HUS1: variants seen among roughly 807,000 people sequenced by gnomAD.
HUS1 encodes the protein HUS1 checkpoint clamp component.
In HUS1, 31 loss-of-function variants were observed where a neutral mutation model predicts 32.6. The observed-to-expected ratio is 0.95, with a 90% CI of 0.72 to 1.28. The LOEUF is 1.28. Ranked by LOEUF, HUS1 falls within the 50% of genes most tolerant of loss-of-function variation. The probability of loss-of-function intolerance (pLI) is 0.00; values close to 1 mark genes in which losing one functional copy is unlikely to be tolerated. For synonymous variants in HUS1, 123 were observed against 116.6 expected (o/e 1.06, Z -0.36); for missense variants, 340 against 337.7 (o/e 1.01, Z -0.05).
chr7:47,969,743 C>T (rs1204058764), intron 5 of HUS1, among the ~76,000 whole-genome samples: 1 of 151,686 alleles, frequency 6.6e-6, no homozygotes, highest in South Asian at 2.1e-4. Context: ...GCAGAATGGG[C>T]ACCTTGGGCA....
intron 3 of HUS1, among the ~76,000 whole-genome samples, chr7:47,977,100 T>C (rs767177756): frequency 5.9e-5 from 9 of 151,868 alleles, no homozygotes; most frequent in Non-Finnish European, 1.2e-4. Context: ...TCAATAAAAA[T>C]GCAAACAAAT....
chr7:47,969,227 G>GA lies in HUS1; in HGVS notation c.631_632insT (p.Pro211LeufsTer6). On this transcript the variant is annotated frameshift_variant, in exon 6 of 8. Coordinates refer to ENST00000258774, the MANE Select transcript of HUS1 (RefSeq NM_004507.4). LOFTEE classifies it high-confidence loss of function. Reference sequence around the variant, plus strand: ...CCCACTAGAAAACTTACCTAATGGAGGATTTCCAAGATCTTTAAAATGAGT... The same window carrying GA: ...CCCACTAGAAAACTTACCTAATGGAGAGATTTCCAAGATCTTTAAAATGAGT... 3 of 1,532,128 alleles carry GA rather than the reference G, an allele frequency of 2.0e-6. No individual in the cohort carries two copies. Among genetic ancestry groups the GA allele is most frequent in the Non-Finnish European group, 2.7e-6 (3 of 1,118,442 alleles). The allele number at this position is 1,532,128 out of a possible 1,614,324, so 94.9% of individuals were successfully genotyped here.
chr7:47,978,609 T>A lies in HUS1; in HGVS notation c.181-16A>T. ...AGAAGTTCTCCTAAGGGAAAAAAAA[T>A]GAGGGATGAGGGAGGGTATATGTGA... is the stretch of plus-strand genomic sequence containing the variant. On this transcript the variant is annotated splice_polypyrimidine_tract_variant and intron_variant, in intron 2 of 7. Coordinates refer to ENST00000258774, the MANE Select transcript of HUS1 (RefSeq NM_004507.4). 1 of 1,613,032 alleles carries A rather than the reference T, an allele frequency of 6.2e-7. No homozygotes were observed. Among genetic ancestry groups the A allele is most frequent in the Middle Eastern group, 1.6e-4 (1 of 6,062 alleles).
chr7:47,976,343 A>T (rs772983739), intron 4 of HUS1: 8 of 458,914 alleles, frequency 1.7e-5, no homozygotes, highest in Non-Finnish European at 3.5e-5. Context: ...TGTTAGCCCT[A>T]AGCCATGAAA....
chr7:47,965,532 C>T (rs1583711815), intron 7 of HUS1, 94 bp from the exon 8 acceptor site: 1 of 776,286 alleles, frequency 1.3e-6, no homozygotes. Flanking sequence ...CCTGCACCTC[C>T]TGTTTTAGGC....
intron 5 of HUS1, among the ~76,000 whole-genome samples, chr7:47,972,740 C>T (rs1318850970): frequency 8.4e-5 from 4 of 47,622 alleles, no homozygotes; most frequent in East Asian, 1.7e-3. Flanking sequence ...CACTGCACAG[C>T]GCAGCCTGGA....
At chr7:47,965,521 G>T (rs1186617304) in intron 7 of HUS1, 83 bp from the exon 8 acceptor site, 1 of 933,902 alleles carries the variant, frequency 1.1e-6, no homozygotes, top group East Asian at 2.6e-5. Flanking sequence ...AGCCTTCCCA[G>T]CCTGCACCTC....
At chr7:47,978,647 C>A in intron 2 of HUS1, 42 bp downstream of exon 2, 1 of 1,612,624 alleles carries the variant, frequency 6.2e-7, no homozygotes, top group Non-Finnish European at 8.5e-7. Flanking sequence ...TTTCCAGTGA[C>A]AATCTGCAGA....
intron 7 of HUS1, among the ~76,000 whole-genome samples, chr7:47,966,067 G>C (rs1788471714): frequency 6.6e-6 from 1 of 151,846 alleles, no homozygotes; most frequent in South Asian, 2.1e-4. Context: ...AACCATGTGT[G>C]AGCAGGCTGC....
At chr7:47,975,796 G>T in intron 4 of HUS1, 109 bp from the exon 5 acceptor site, 1 of 610,852 alleles carries the variant, frequency 1.6e-6, no homozygotes, top group South Asian at 2.0e-5. Context: ...CAAAAACTAT[G>T]GGATACTATT....
At chr7:47,971,595 A>C in intron 5 of HUS1, 1 of 455,510 alleles carries the variant, frequency 2.2e-6, no homozygotes, top group Non-Finnish European at 4.4e-6. Flanking sequence ...CTACAATGAA[A>C]TTTCCTCCTA....
intron 4 of HUS1, chr7:47,976,186 A>G: frequency 2.7e-6 from 1 of 364,284 alleles, no homozygotes; most frequent in Non-Finnish European, 5.4e-6. Flanking sequence ...TGTAGGTGCC[A>G]TCTAGTAAAA....
rs1018400135 is a variant in HUS1, at chr7:47,965,252, C to A, written c.*104G>T. 4.1e-5 allele frequency: 30 copies of A among 739,014 alleles called. No homozygotes were observed. The highest frequency in any genetic ancestry group is 4.4e-5 in the Non-Finnish European group (18 of 407,852). The allele number at this position is 739,014 out of a possible 1,614,324, so 45.8% of individuals were successfully genotyped here. On this transcript the variant is annotated 3_prime_UTR_variant, in exon 8 of 8. Transcript: ENST00000258774. ...AGAGGGACAAATAAGTACAGTGTGTCGATGTGCGGTGCTGTGAGGGCACAG... is the reference window on the plus strand; with the variant it reads ...AGAGGGACAAATAAGTACAGTGTGTAGATGTGCGGTGCTGTGAGGGCACAG...
chr7:47,967,830 CTTG>C lies in HUS1; in HGVS notation c.733_735del (p.Gln245del), dbSNP rs762504562. 4.3e-6 allele frequency: 7 copies of C among 1,613,408 alleles called. No homozygotes were observed. The highest frequency in any genetic ancestry group is 1.3e-5 in the African/African-American group (1 of 74,800). ...CTGCATAAGGCCTTTGTGGGATTTA[CTTG>C]TTGTCCAGCAAGAAACTGTAGGAGC... On this transcript the variant is annotated inframe_deletion, in exon 7 of 8. Coordinates refer to ENST00000258774, the MANE Select transcript of HUS1 (RefSeq NM_004507.4).
chr7:47,968,301 T>G (rs577048625), intron 6 of HUS1, among the ~76,000 whole-genome samples: 1 of 152,184 alleles, frequency 6.6e-6, no homozygotes, highest in South Asian at 2.1e-4. Context: ...CCTTTCTACC[T>G]CTGAGAAAGT....
intron 5 of HUS1, chr7:47,971,141 C>CA (rs559018283): frequency 1.7e-3 from 282 of 162,754 alleles, no homozygotes; most frequent in African/African-American, 5.9e-3. Flanking sequence ...ATGTGGAAAT[C>CA]AGTGTCTTAT....
chr7:47,972,915 C>T (rs1193029416), intron 5 of HUS1, among the ~76,000 whole-genome samples: 2 of 152,168 alleles, frequency 1.3e-5, no homozygotes, highest in Non-Finnish European at 2.9e-5. Flanking sequence ...GGCTCAGCAA[C>T]CCCACCCAAA....
At chr7:47,978,347 G>A in intron 3 of HUS1, 70 bp downstream of exon 3, 1 of 1,324,398 alleles carries the variant, frequency 7.6e-7, no homozygotes, top group Non-Finnish European at 1.1e-6. Flanking sequence ...TGTTAAAAAG[G>A]CTAGGCTAAC....
At chr7:47,974,068 G>A (rs772834294) in intron 5 of HUS1, among the ~76,000 whole-genome samples, 6 of 152,164 alleles carry the variant, frequency 3.9e-5, no homozygotes, top group Non-Finnish European at 8.8e-5. Flanking sequence ...GAGTTACCCA[G>A]GTCCAATGAC....
Sources: gnomAD v4.1 joint callset for allele counts (sites outside exome capture counted in the v4.1 genomes callset) on GRCh38, gnomAD v4.1.1 for gene constraint, MANE v1.5 for transcripts, NCBI Gene and HGNC (gene_info 2026-07-23, HGNC 2026-07-21) for gene names.